Variants in PLOD3 observed in about 807,000 individuals in gnomAD.
PLOD3 encodes the protein procollagen-lysine,2-oxoglutarate 5-dioxygenase 3, also known as multifunctional procollagen lysine hydroxylase and glycosyltransferase LH3.
In PLOD3, 73 loss-of-function variants were observed where a neutral mutation model predicts 96.9. The observed-to-expected ratio is 0.75, with a 90% CI of 0.62 to 0.92. The LOEUF is 0.92. Ranked by LOEUF, PLOD3 falls within the 40% of genes least tolerant of loss-of-function variation. PLOD3 has a pLI of 0.00. For missense variants in PLOD3, 1,004 were observed against 1,004.3 expected, an observed-to-expected ratio of 1.00 and a Z score of 0.00; for synonymous variants, 454 against 413.7, an observed-to-expected ratio of 1.10 and a Z score of -1.18.
intron 6 of PLOD3, chr7:101,213,478 T>C (rs1251105888): frequency 2.0e-6 from 1 of 504,826 alleles, no homozygotes; most frequent in African/African-American, 1.9e-5. Flanking sequence ...TCAGCATCCC[T>C]ACCCCTCCTC....
intron 10 of PLOD3, 35 bp from the exon 11 acceptor site, chr7:101,211,985 TG>T: frequency 6.9e-7 from 1 of 1,451,242 alleles, no homozygotes. Flanking sequence ...CGGCGGCAGG[TG>T]GGGAGGCGGT....
At position 101,210,429 on chromosome 7, in the gene PLOD3, G is replaced by C. The variant is rs1167148560; in HGVS notation, c.1516C>G (p.Leu506Val). The stretch of plus-strand genomic sequence containing the variant: ...CGGCCAAATTCATGCTGATTGCTCA[G>C]ATGGAGGAAGATGCCCTGTAGTGGG... ...SFRDKGIFLH[L>V]SNQHEFGRLL... Residue 506 changes from leucine to valine, a missense_variant, in exon 14 of 19, where the codon CTG becomes GTG. Leu to Val is a conservative substitution (Grantham distance 32). Coordinates refer to ENST00000223127, the MANE Select transcript of PLOD3 (RefSeq NM_001084.5). The C allele has an allele frequency of 6.2e-7, 1 of 1,614,040 alleles. No individual in the cohort carries two copies. Among genetic ancestry groups the C allele is most frequent in the Non-Finnish European group, 8.5e-7 (1 of 1,180,010 alleles).
chr7:101,212,516 CA>C lies in PLOD3; in HGVS notation c.1005+13del. ...AAGGGTCCCTCAGGAGAGGCTCCAA[CA>C]GGGGAGTCTCACGTTGTTGTGCAGG... On this transcript the variant is annotated intron_variant, in intron 9 of 18. Coordinates refer to ENST00000223127, the MANE Select transcript of PLOD3 (RefSeq NM_001084.5). 1 of 1,613,086 alleles carries C rather than the reference CA, an allele frequency of 6.2e-7. No individual in the cohort carries two copies. Among genetic ancestry groups the C allele is most frequent in the Non-Finnish European group, 8.5e-7 (1 of 1,179,466 alleles).
chr7:101,206,993 C>T, intron 17 of PLOD3, 89 bp from the exon 18 acceptor site: 2 of 1,431,706 alleles, frequency 1.4e-6, no homozygotes, highest in South Asian at 1.3e-5. Flanking sequence ...TTGAGATAGT[C>T]TCGCTCTGTC....
rs1291600160 is a variant in PLOD3, at chr7:101,217,531, C to G, written c.-257G>C. The G allele has an allele frequency of 2.2e-6, 1 of 456,816 alleles. No homozygotes were observed. Among genetic ancestry groups the G allele is most frequent in the Admixed American group, 4.1e-5 (1 of 24,518 alleles). 28.3% of individuals were successfully genotyped at this position (456,816 alleles called of 1,614,324 possible). ...GCGGGGGAGGGGCGGCGGCTCGGGC[C>G]GGCGGGCGGGAGACAGGGACTCTGG... On this transcript the variant is annotated 5_prime_UTR_variant, in exon 1 of 19. Transcript: ENST00000223127.
chr7:101,206,876 C>T lies in PLOD3; in HGVS notation c.1964G>A (p.Arg655His), dbSNP rs756572111. The change falls in exon 18 of 19, where the codon CGC becomes CAC. Residue 655 changes from arginine to histidine, a missense_variant. Arg to His is a conservative substitution (Grantham distance 29). This residue lies in a region of PLOD3 where 222 missense variants were observed against 220.4 expected (regional missense o/e 1.01). Transcript: ENST00000223127. ...KARAVMNFVV[R>H]YRPDEQPSLR... Reference sequence around the variant, plus strand: ...AGACGGCTGCTCGTCTGGCCGGTAGCGAACCACAAAGTTCATCACCGCCCG... The same window carrying T: ...AGACGGCTGCTCGTCTGGCCGGTAGTGAACCACAAAGTTCATCACCGCCCG... The T allele has an allele frequency of 4.7e-5, 73 of 1,559,924 alleles. 1 individual carries two copies. The highest frequency in any genetic ancestry group is 2.1e-4 in the East Asian group (9 of 42,056).
At chr7:101,210,002 C>G in intron 15 of PLOD3, 91 bp downstream of exon 15, 1 of 655,288 alleles carries the variant, frequency 1.5e-6, no homozygotes, top group East Asian at 2.7e-5. Context: ...CTCTGGGGAA[C>G]TCAGTGTGAA....
intron 4 of PLOD3, 28 bp from the exon 5 acceptor site, chr7:101,216,048 G>A (rs1460195786): frequency 1.9e-6 from 3 of 1,605,050 alleles, no homozygotes; most frequent in Admixed American, 1.7e-5. Context: ...TGTTGACCTC[G>A]AGACTCCCAG....
At chr7:101,208,427 G>C (rs754501867) in intron 16 of PLOD3, among the ~76,000 whole-genome samples, 3 of 152,192 alleles carry the variant, frequency 2.0e-5, no homozygotes, top group Non-Finnish European at 4.4e-5. Flanking sequence ...TTTTAGTAGA[G>C]ATGGGGTTTC....
chr7:101,210,685 G>C lies in PLOD3; in HGVS notation c.1359-12C>G. On this transcript the variant is annotated splice_polypyrimidine_tract_variant and intron_variant, in intron 12 of 18. Coordinates refer to ENST00000223127, the MANE Select transcript of PLOD3 (RefSeq NM_001084.5). ...CATTCCACACACCCCTGGAGGCACC[G>C]ACACCGCGGTCAGCTGGGAGGACAG... The C allele has an allele frequency of 6.2e-7, 1 of 1,613,218 alleles. No individual in the cohort carries two copies. Among genetic ancestry groups the C allele is most frequent in the Non-Finnish European group, 8.5e-7 (1 of 1,179,678 alleles).
chr7:101,211,951 C>G lies in PLOD3; in HGVS notation c.1128-1G>C. 1 of 1,599,038 alleles carries G rather than the reference C, an allele frequency of 6.3e-7. No homozygotes were observed. The highest frequency in any genetic ancestry group is 8.5e-7 in the Non-Finnish European group (1 of 1,172,716). On this transcript the variant is annotated splice_acceptor_variant, in intron 10 of 18. Transcript: ENST00000223127. LOFTEE classifies it high-confidence loss of function. ...CTCGGGGTCCTGCCGACACAGGTCC[C>G]TGGAGGTGAGAGGCGAGCTGAGACG... is the stretch of plus-strand genomic sequence containing the variant.
chr7:101,216,363 G>T lies in PLOD3; in HGVS notation c.339-37C>A. 1.9e-6 allele frequency: 3 copies of T among 1,613,620 alleles called. No individual in the cohort carries two copies. The South Asian group carries it at 3.3e-5, about 18-fold the overall frequency. Reference sequence around the variant, plus strand: ...AGGGGAGGATGGGCAGGGGTCCACTGGGAACCTCAGCATCCTTACCCCGCT... The same window carrying T: ...AGGGGAGGATGGGCAGGGGTCCACTTGGAACCTCAGCATCCTTACCCCGCT... On this transcript the variant is annotated intron_variant, in intron 3 of 18. Transcript: ENST00000223127.
chr7:101,217,042 C>T (rs969924846), intron 1 of PLOD3, 124 bp downstream of exon 1: 4 of 1,132,598 alleles, frequency 3.5e-6, no homozygotes, highest in Non-Finnish European at 4.9e-6. Context: ...GACTCAGCCT[C>T]AAGAGCACGC....
chr7:101,216,450 A>T lies in PLOD3; in HGVS notation c.298T>A (p.Tyr100Asn), dbSNP rs375209437. ...VRWLKKEMEK[Y>N]ADREDMIIMF... ...ATGATCATATCCTCCCGGTCAGCGT[A>T]TTTCTCCATTTCCTTCTTTAACCAC... The change falls in exon 3 of 19, where the codon TAC becomes AAC. Residue 100 changes from tyrosine to asparagine, a missense_variant. By Grantham distance (143) the Tyr-to-Asn change is moderately radical. Coordinates refer to ENST00000223127, the MANE Select transcript of PLOD3 (RefSeq NM_001084.5). 2.5e-6 allele frequency: 4 copies of T among 1,613,938 alleles called. No homozygotes were observed. The highest frequency in any genetic ancestry group is 3.4e-6 in the Non-Finnish European group (4 of 1,179,972).
At position 101,212,003 on chromosome 7, in the gene PLOD3, G is replaced by A. The variant is rs533279814; in HGVS notation, c.1128-53C>T. ...CGGCAGGTGGGGAGGCGGTGTGGATGGGGTAACTGGCCCATGCCCCCAGGA... is the reference window on the plus strand; with the variant it reads ...CGGCAGGTGGGGAGGCGGTGTGGATAGGGTAACTGGCCCATGCCCCCAGGA... On this transcript the variant is annotated intron_variant, in intron 10 of 18. Coordinates refer to ENST00000223127, the MANE Select transcript of PLOD3 (RefSeq NM_001084.5). 40 of 1,259,510 alleles carry A rather than the reference G, an allele frequency of 3.2e-5. No individual in the cohort carries two copies. The African/African-American group carries it at 5.7e-4, about 18-fold the overall frequency. 78.0% of individuals were successfully genotyped at this position (1,259,510 alleles called of 1,614,324 possible). A position where few individuals can be genotyped will look rare whatever the true frequency, so the allele number is the denominator to read the frequency against.
At chr7:101,207,101 G>A (rs7799197) in intron 17 of PLOD3, among the ~76,000 whole-genome samples, 197 bp from the exon 18 acceptor site, 1,757 of 152,078 alleles carry the variant, frequency 0.012, 29 homozygotes, top group African/African-American at 0.04. Flanking sequence ...TCAGCCTCCC[G>A]AGTAGCTGGG....
chr7:101,212,202 CT>C, intron 10 of PLOD3, 50 bp downstream of exon 10: 1 of 1,604,540 alleles, frequency 6.2e-7, no homozygotes. Flanking sequence ...GGCAGCACCC[CT>C]GACCCTACAG....
At chr7:101,216,096 C>T in intron 4 of PLOD3, 67 bp downstream of exon 4, 1 of 1,610,238 alleles carries the variant, frequency 6.2e-7, no homozygotes, top group Non-Finnish European at 8.5e-7. Flanking sequence ...CTCCAGCCCT[C>T]AGGCGCCTTT....
Position 101,212,909 on chromosome 7 carries a change from T to C in PLOD3, c.812A>G (p.Asn271Ser), listed in dbSNP as rs535949022. 1.7e-4 allele frequency: 267 copies of C among 1,613,842 alleles called. 6 individuals carry two copies. The South Asian group carries it at 1.9e-3, about 12-fold the overall frequency. ...ACAGCCTCCCTCAGGAGTCCAGCCA[T>C]TGGGGACGTAGTTTCCCAGGTAGTT... ...QLNYLGNYVPNGWTPEGGCGF... is the reference protein window; with the variant it reads ...QLNYLGNYVPSGWTPEGGCGF... Residue 271 changes from asparagine to serine, a missense_variant, in exon 8 of 19, where the codon AAT becomes AGT. Physicochemically the swap from Asn to Ser is conservative, Grantham distance 46. Coordinates refer to ENST00000223127, the MANE Select transcript of PLOD3 (RefSeq NM_001084.5).
Sources: allele counts gnomAD v4.1 joint callset (sites outside exome capture counted in the v4.1 genomes callset), GRCh38; gene constraint gnomAD v4.1.1; regional missense constraint gnomAD v4.1.1; transcripts MANE v1.5; gene names NCBI Gene and HGNC (gene_info 2026-07-23, HGNC 2026-07-21).